The following GAL3ST2 variants were observed in gnomAD, a reference collection of about 807,000 sequenced individuals.
GAL3ST2 encodes beta-galactose-3-O-sulfotransferase 2.
A neutral mutation model predicts 12.9 loss-of-function variants in GAL3ST2; 16 were observed. The ratio of observed to expected loss-of-function variants is 1.24; its 90% CI spans 0.84 to 1.88. The LOEUF (loss-of-function observed/expected upper bound fraction) is 1.88, where lower values mean the gene tolerates loss of function less well. Ranked by LOEUF, GAL3ST2 falls within the 40% of genes most tolerant of loss-of-function variation. The pLI, the probability that GAL3ST2 is intolerant of heterozygous loss-of-function variation, is 0.00. For missense variants in GAL3ST2, 639 were observed against 571.8 expected, an observed-to-expected ratio of 1.12 and a Z score of -1.20; for synonymous variants, 302 against 273.9, an observed-to-expected ratio of 1.10 and a Z score of -1.01.
rs1475672861 is a variant in GAL3ST2, at chr2:241,802,189, T to G, written c.375+153T>G. ...TTGGGAGGGCCTGGGCCGCACGCCC[T>G]GCTGAGCCAACCCCTGCCCCTCCAG... On this transcript the variant is annotated intron_variant, in intron 3 of 3. Transcript: ENST00000192314. The surrounding 1 kb of genome is among the most constrained non-coding windows in gnomAD (Gnocchi z 4.8). Among the ~76,000 whole-genome samples the G allele has an allele frequency of 6.6e-6, 1 of 152,092 alleles. No homozygotes were observed. The highest frequency in any genetic ancestry group is 1.9e-4 in the East Asian group (1 of 5,180).
chr2:241,800,640 G>A lies in GAL3ST2; in HGVS notation c.120-1141G>A, dbSNP rs754283442. On this transcript the variant is annotated intron_variant, in intron 2 of 3. Transcript: ENST00000192314. This position sits in a 1 kb window ranked among gnomAD's most constrained non-coding sequence, Gnocchi z 5.2. Reference sequence around the variant, plus strand: ...CGCCAGAACCAGTCCGGGGCTGGGGGTCCCTGCTCAGGGGACAGTTACTGA... The same window carrying A: ...CGCCAGAACCAGTCCGGGGCTGGGGATCCCTGCTCAGGGGACAGTTACTGA... 2.6e-5 allele frequency among the ~76,000 whole-genome samples: 4 copies of A among 152,224 alleles called. No homozygotes were observed. The highest frequency in any genetic ancestry group is 5.9e-5 in the Non-Finnish European group (4 of 68,040).
rs1025966447 is a variant in GAL3ST2 at position 241,793,934 on chromosome 2, C to T, written c.30-5131C>T. Among the ~76,000 whole-genome samples, 3 of 151,948 alleles carry T rather than the reference C, an allele frequency of 2.0e-5. No individual in the cohort carries two copies. The highest frequency in any genetic ancestry group is 6.6e-5 in the Admixed American group (1 of 15,248). ...GAGCTGGAGATGGGATGTCTTAAGT[C>T]GGTTTTGTTGTTGTTGTTTGTTTAT... On this transcript the variant is annotated intron_variant, in intron 1 of 3. Coordinates refer to ENST00000192314, the MANE Select transcript of GAL3ST2 (RefSeq NM_022134.3). The surrounding 1 kb of genome is among the most constrained non-coding windows in gnomAD (Gnocchi z 4.7).
chr2:241,790,570 C>T (rs945701849), intron 1 of GAL3ST2, among the ~76,000 whole-genome samples: 7 of 152,176 alleles, frequency 4.6e-5, no homozygotes, highest in Non-Finnish European at 8.8e-5. Context: ...AAATTCTCAT[C>T]AGATGGCTTT....
chr2:241,803,723 AG>A lies in GAL3ST2; in HGVS notation c.756del (p.Arg252SerfsTer119), dbSNP rs1409668958. ...RWALDDVVAF[R>X]LNSRSARSVA... ...GGCGCTGGACGACGTGGTGGCCTTC[AG>A]GCTCAACTCCCGCAGCGCGCGCTCC... On this transcript the variant is annotated frameshift_variant, in exon 4 of 4. Transcript: ENST00000192314. LOFTEE classifies it low-confidence loss of function (END_TRUNC). The A allele has an allele frequency of 1.9e-6, 3 of 1,538,828 alleles. No individual in the cohort carries two copies. In the South Asian group the frequency reaches 3.6e-5, roughly 19 times the overall value.
Position 241,803,459 on chromosome 2 carries a change from G to C in GAL3ST2, c.490G>C (p.Ala164Pro). 1 of 1,611,672 alleles carries C rather than the reference G, an allele frequency of 6.2e-7. No homozygotes were observed. The highest frequency in any genetic ancestry group is 8.5e-7 in the Non-Finnish European group (1 of 1,179,366). ...AACCTACGCCCCCGCCTTCCGGGGC[G>C]CCCCGAGCCTGGACGCGTTCCTGGC... is the stretch of plus-strand genomic sequence containing the variant. ...YKTYAPAFRG[A>P]PSLDAFLASP... The change falls in exon 4 of 4, where the codon GCC becomes CCC. Residue 164 changes from alanine (A) to proline (P), a missense_variant. Transcript: ENST00000192314.
intron 1 of GAL3ST2, among the ~76,000 whole-genome samples, chr2:241,791,353 T>C (rs940070175): frequency 1.3e-5 from 2 of 152,230 alleles, no homozygotes; most frequent in Non-Finnish European, 2.9e-5. Context: ...CAGGACACAA[T>C]TGGAGAAACT....
chr2:241,785,317 C>T (rs915537566), intron 1 of GAL3ST2, among the ~76,000 whole-genome samples: 1 of 152,150 alleles, frequency 6.6e-6, no homozygotes, highest in East Asian at 1.9e-4. Context: ...TTTGGGAGGC[C>T]GAGGTGGGTG....
At position 241,786,934 on chromosome 2, in the gene GAL3ST2, C is replaced by T. The variant is rs139137480; in HGVS notation, c.29+9950C>T. Among the ~76,000 whole-genome samples the T allele has an allele frequency of 5.3e-5, 8 of 152,318 alleles. No homozygotes were observed. In the East Asian group the frequency reaches 1.5e-3, roughly 29 times the overall value. ...AAACTGGGAACTGCTTAGGGCCAACCTGCCTCCCGTTCTCTTCAAAGTCTC... is the reference window on the plus strand; with the variant it reads ...AAACTGGGAACTGCTTAGGGCCAACTTGCCTCCCGTTCTCTTCAAAGTCTC... On this transcript the variant is annotated intron_variant, in intron 1 of 3. Transcript: ENST00000192314.
intron 1 of GAL3ST2, among the ~76,000 whole-genome samples, chr2:241,780,854 A>G (rs959800588): frequency 3.3e-5 from 5 of 152,198 alleles, no homozygotes; most frequent in African/African-American, 9.6e-5. Flanking sequence ...GATATTCTTT[A>G]CTTGCCACAG....
chr2:241,803,331 C>G lies in GAL3ST2; in HGVS notation c.376-14C>G. The G allele has an allele frequency of 1.3e-6, 2 of 1,576,760 alleles. No individual in the cohort carries two copies. The highest frequency in any genetic ancestry group is 1.7e-6 in the Non-Finnish European group (2 of 1,157,804). ...GGCCCGCGGTCCGCAGCCCGCCTCT[C>G]TGTCGCCACACAGGTGCAGAAAGTC... On this transcript the variant is annotated splice_polypyrimidine_tract_variant and intron_variant, in intron 3 of 3. Coordinates refer to ENST00000192314, the MANE Select transcript of GAL3ST2 (RefSeq NM_022134.3).
chr2:241,782,581 CTCCCA>C (rs1699578051), intron 1 of GAL3ST2, among the ~76,000 whole-genome samples: 1 of 152,190 alleles, frequency 6.6e-6, no homozygotes, highest in African/African-American at 2.4e-5. Context: ...GTGTCTTGGC[CTCCCA>C]AAGTGCTGGG....
At chr2:241,780,441 C>G (rs1036380232) in intron 1 of GAL3ST2, among the ~76,000 whole-genome samples, 5 of 152,136 alleles carry the variant, frequency 3.3e-5, no homozygotes, top group African/African-American at 1.2e-4. Flanking sequence ...ACTGCTTGAA[C>G]CTGGGAGGTG....
At chr2:241,787,717 C>A (rs1327936885) in intron 1 of GAL3ST2, among the ~76,000 whole-genome samples, 1 of 152,110 alleles carries the variant, frequency 6.6e-6, no homozygotes, top group African/African-American at 2.4e-5. Flanking sequence ...ACCTGAGACC[C>A]TTCCCTAGGT....
rs375484658 is a variant in GAL3ST2, at chr2:241,804,025, C to G, written c.1056C>G (p.Tyr352Ter). Residue 352 changes from tyrosine (Y) to a stop codon, truncating the protein, a stop_gained, in exon 4 of 4, where the codon TAC becomes TAG. Transcript: ENST00000192314. LOFTEE classifies it low-confidence loss of function (END_TRUNC). Reference protein sequence around the residue: ...YQSGKADILGYNLRPGLDNQT... With the variant: ...YQSGKADILG Reference sequence around the variant, plus strand: ...CCGGCAAGGCCGACATCCTGGGTTACAACCTCCGGCCGGGCCTGGACAACC... The same window carrying G: ...CCGGCAAGGCCGACATCCTGGGTTAGAACCTCCGGCCGGGCCTGGACAACC... 5.1e-6 allele frequency: 8 copies of G among 1,565,652 alleles called. No individual in the cohort carries two copies. The highest frequency in any genetic ancestry group is 4.1e-5 in the African/African-American group (3 of 72,570).
intron 1 of GAL3ST2, among the ~76,000 whole-genome samples, chr2:241,797,284 T>C (rs750348722): frequency 6.6e-6 from 1 of 152,206 alleles, no homozygotes; most frequent in African/African-American, 2.4e-5. Flanking sequence ...TTTTTTACAT[T>C]AAATCTTTGA....
Position 241,803,925 on chromosome 2 carries a change from G to T in GAL3ST2, c.956G>T (p.Ser319Ile). The T allele has an allele frequency of 7.0e-7, 1 of 1,435,128 alleles. No homozygotes were observed. The highest frequency in any genetic ancestry group is 3.2e-5 in the Admixed American group (1 of 31,240). The allele number at this position is 1,435,128 out of a possible 1,614,324, so 88.9% of individuals were successfully genotyped here. A position where few individuals can be genotyped will look rare whatever the true frequency, so the allele number is the denominator to read the frequency against. The stretch of plus-strand genomic sequence containing the variant: ...CGCGCCCGGAGGCGCGAACTCGCGA[G>T]CCTGTGCCTGCAGGACGGCGGCGCG... Reference protein sequence around the residue: ...RLRARRRELASLCLQDGGALK... With the variant: ...RLRARRRELAILCLQDGGALK... The change falls in exon 4 of 4, where the codon AGC becomes ATC. Residue 319 changes from serine to isoleucine, a missense_variant. Ser to Ile is a moderately radical substitution (Grantham distance 142). Coordinates refer to ENST00000192314, the MANE Select transcript of GAL3ST2 (RefSeq NM_022134.3).
At position 241,800,720 on chromosome 2, in the gene GAL3ST2, G is replaced by T. The variant is rs911621544; in HGVS notation, c.120-1061G>T. On this transcript the variant is annotated intron_variant, in intron 2 of 3. Transcript: ENST00000192314. This position sits in a 1 kb window ranked among gnomAD's most constrained non-coding sequence, Gnocchi z 5.2. The stretch of plus-strand genomic sequence containing the variant: ...GTTCTGGCTGGGGGAGCAGGGGTCA[G>T]CGAGGCAGCGTCTGGCAGCGGGTGA... Among the ~76,000 whole-genome samples, 4 of 152,222 alleles carry T rather than the reference G, an allele frequency of 2.6e-5. No individual in the cohort carries two copies. Among genetic ancestry groups the T allele is most frequent in the African/African-American group, 9.6e-5 (4 of 41,466 alleles).
In GAL3ST2 at chr2:241,801,591, C is replaced by G; in HGVS notation, c.120-190C>G. The G allele has an allele frequency of 1.5e-6, 1 of 680,382 alleles. No homozygotes were observed. Among genetic ancestry groups the G allele is most frequent in the African/African-American group, 1.8e-5 (1 of 55,038 alleles). The allele number at this position is 680,382 out of a possible 1,614,324, so 42.1% of individuals were successfully genotyped here. On this transcript the variant is annotated intron_variant, in intron 2 of 3. Coordinates refer to ENST00000192314, the MANE Select transcript of GAL3ST2 (RefSeq NM_022134.3). This position sits in a 1 kb window ranked among gnomAD's most constrained non-coding sequence, Gnocchi z 4.4. ...GGGGAGTTTGTGTTCGGGCCACCAGCTGGGAGGTTGTGGAGTGGGGCAAGG... is the reference window on the plus strand; with the variant it reads ...GGGGAGTTTGTGTTCGGGCCACCAGGTGGGAGGTTGTGGAGTGGGGCAAGG...
intron 1 of GAL3ST2, among the ~76,000 whole-genome samples, chr2:241,792,380 T>C (rs544182912): frequency 4.6e-5 from 7 of 151,828 alleles, no homozygotes; most frequent in Non-Finnish European, 8.8e-5. Context: ...AGCTGTGCTT[T>C]CTTAAAGCCC....
Sources: gnomAD v4.1 joint callset for allele counts (sites outside exome capture counted in the v4.1 genomes callset) on GRCh38, gnomAD v4.1.1 for gene constraint, Gnocchi (gnomAD v3.1) non-coding constraint, MANE v1.5 for transcripts, NCBI Gene and HGNC (gene_info 2026-07-23, HGNC 2026-07-21) for gene names.